Variants in STPG2 observed in about 807,000 individuals in gnomAD.
STPG2 encodes the protein sperm-tail PG-rich repeat-containing protein 2.
STPG2 carries 56 observed loss-of-function variants against 54.2 expected under a neutral mutation model. That is an observed-to-expected ratio of 1.03 (90% confidence interval 0.83 to 1.29). The LOEUF (loss-of-function observed/expected upper bound fraction) is 1.29. Ranked by LOEUF, STPG2 falls within the 50% of genes most tolerant of loss-of-function variation. The pLI, the probability that STPG2 is intolerant of heterozygous loss-of-function variation, is 0.00. For synonymous variants in STPG2, 200 were observed against 181.8 expected, an observed-to-expected ratio of 1.10 and a Z score of -0.81; for missense variants, 596 against 544.9, an observed-to-expected ratio of 1.09 and a Z score of -0.93.
rs552633439 is a variant in STPG2, at chr4:97,741,460, C to G, written c.1205-28646G>C. On this transcript the variant is annotated intron_variant, in intron 9 of 10. Transcript: ENST00000295268. Reference sequence around the variant, plus strand: ...AATGGGAGAAAATTTTTGCAACCTACTCATCTGACAAAGGGCTAATATCCA... The same window carrying G: ...AATGGGAGAAAATTTTTGCAACCTAGTCATCTGACAAAGGGCTAATATCCA... Among the ~76,000 whole-genome samples the G allele has an allele frequency of 5.4e-3, 815 of 151,760 alleles. 3 individuals are homozygous for G. The highest frequency in any genetic ancestry group is 0.02 in the Middle Eastern group (6 of 294).
chr4:97,566,425 C>G (rs935259094), intron 10 of STPG2, among the ~76,000 whole-genome samples: 2 of 152,194 alleles, frequency 1.3e-5, no homozygotes, highest in Admixed American at 1.3e-4. Context: ...TCGGCTAGCA[C>G]ATGGCGTGCT....
At position 97,510,342 on chromosome 4, in the gene STPG2, T is replaced by C. The variant is rs115473415; in HGVS notation, c.462+202357A>G. Among the ~76,000 whole-genome samples, 433 of 152,240 alleles carry C rather than the reference T, an allele frequency of 2.8e-3. 3 individuals carry two copies. The highest frequency in any genetic ancestry group is 9.6e-3 in the African/African-American group (401 of 41,564). ...TACAACAAACCATTTTAATTTTTTC[T>C]AGCAACAACTGATAAGGGCTTGCAT... On this transcript the variant is annotated intron_variant, in intron 4 of 4. Coordinates refer to the STPG2 transcript ENST00000522676.
chr4:97,847,841 T>C (rs138942438), intron 8 of STPG2, among the ~76,000 whole-genome samples: 371 of 152,328 alleles, frequency 2.4e-3, no homozygotes, highest in Middle Eastern at 0.02. Flanking sequence ...TGTTCACCTT[T>C]CTCTCGCATA....
intron 10 of STPG2, among the ~76,000 whole-genome samples, chr4:97,628,841 A>G (rs55901496): frequency 0.13 from 20,102 of 151,996 alleles, 4,092 homozygotes; most frequent in African/African-American, 0.44. Context: ...ATTGTCACTC[A>G]TGGTCAATTT....
chr4:97,953,319 A>G (rs1368439773), intron 7 of STPG2, among the ~76,000 whole-genome samples: 2 of 152,082 alleles, frequency 1.3e-5, no homozygotes, highest in East Asian at 3.9e-4. Context: ...GGCAAAGCAA[A>G]ACTCACACCT....
intron 5 of STPG2, among the ~76,000 whole-genome samples, chr4:97,983,313 A>C (rs1734734442): frequency 6.6e-6 from 1 of 152,222 alleles, no homozygotes; most frequent in Non-Finnish European, 1.5e-5. Flanking sequence ...AACATACAAA[A>C]TATGTGTTAT....
At chr4:97,524,589 C>T (rs1300998962) in intron 4 of STPG2, among the ~76,000 whole-genome samples, 2 of 151,912 alleles carry the variant, frequency 1.3e-5, no homozygotes, top group Non-Finnish European at 2.9e-5. Context: ...GTTCTTATCC[C>T]AGCCATCTTA....
At chr4:98,111,499 C>G (rs1374188858) in intron 3 of STPG2, among the ~76,000 whole-genome samples, 2 of 152,080 alleles carry the variant, frequency 1.3e-5, no homozygotes, top group Non-Finnish European at 2.9e-5. Flanking sequence ...ACAACAAAAT[C>G]CAAAAAGAAG....
intron 4 of STPG2, among the ~76,000 whole-genome samples, chr4:97,465,075 G>A (rs922909185): frequency 6.6e-6 from 1 of 152,140 alleles, no homozygotes; most frequent in Non-Finnish European, 1.5e-5. Context: ...AGGAGAACTT[G>A]TTGGTGAGCT....
At position 97,446,740 on chromosome 4, in the gene STPG2, A is replaced by T. The variant is rs143286460; in HGVS notation, c.463-258907T>A. The stretch of plus-strand genomic sequence containing the variant: ...TTTTCTGCCACATTGTGAAGAAGGT[A>T]CTGGCTTCTCCTTCGCCTTCCACCA... On this transcript the variant is annotated intron_variant, in intron 4 of 4. Transcript: ENST00000522676. Among the ~76,000 whole-genome samples the T allele has an allele frequency of 1.8e-3, 280 of 152,316 alleles. 1 individual carries two copies. The highest frequency in any genetic ancestry group is 6.4e-3 in the African/African-American group (267 of 41,570).
intron 8 of STPG2, 109 bp downstream of exon 8, chr4:97,943,788 C>G: frequency 2.7e-6 from 2 of 746,828 alleles, no homozygotes; most frequent in Non-Finnish European, 4.2e-6. Flanking sequence ...AAGGAGGTTA[C>G]AGCACGCTAC....
At chr4:97,602,865 A>T (rs1027344900) in intron 10 of STPG2, among the ~76,000 whole-genome samples, 2 of 151,778 alleles carry the variant, frequency 1.3e-5, no homozygotes, top group African/African-American at 4.8e-5. Flanking sequence ...TTAACCAGAA[A>T]ATGTAAATCA....
intron 8 of STPG2, among the ~76,000 whole-genome samples, chr4:97,929,210 AT>A (rs972184060): frequency 4.6e-5 from 7 of 152,214 alleles, no homozygotes; most frequent in East Asian, 3.9e-4. Flanking sequence ...GCAGGATCTC[AT>A]TTTTTTATGG....
At chr4:97,547,998 A>T (rs757144680) in intron 4 of STPG2, among the ~76,000 whole-genome samples, 6 of 152,016 alleles carry the variant, frequency 3.9e-5, no homozygotes, top group Non-Finnish European at 8.8e-5. Context: ...TAAAAATATA[A>T]AATTAGCCGG....
chr4:97,903,097 C>A (rs995740959), intron 8 of STPG2, among the ~76,000 whole-genome samples: 1 of 152,102 alleles, frequency 6.6e-6, no homozygotes, highest in Non-Finnish European at 1.5e-5. Context: ...TCAAAGGGTT[C>A]AAACTCGAAG....
intron 1 of STPG2, among the ~76,000 whole-genome samples, chr4:98,141,969 G>GAAAAAAAAA: frequency 6.9e-6 from 1 of 145,910 alleles, no homozygotes; most frequent in Non-Finnish European, 1.5e-5. Context: ...AAAACAGGAG[G>GAAAAAAAAA]AAATGATGTT....
intron 5 of STPG2, among the ~76,000 whole-genome samples, chr4:98,052,511 T>C (rs976187747): frequency 6.6e-6 from 1 of 152,236 alleles, no homozygotes; most frequent in Non-Finnish European, 1.5e-5. Context: ...GATATACATA[T>C]AGGTATGATA....
chr4:97,783,493 C>G (rs1215041466), intron 9 of STPG2, among the ~76,000 whole-genome samples: 1 of 152,180 alleles, frequency 6.6e-6, no homozygotes, highest in Non-Finnish European at 1.5e-5. Flanking sequence ...TAAACTAGTT[C>G]AACCATTGTG....
chr4:97,834,284 C>A (rs1164517289), intron 9 of STPG2, among the ~76,000 whole-genome samples: 2 of 152,126 alleles, frequency 1.3e-5, no homozygotes, highest in Admixed American at 1.3e-4. Context: ...CACATGTTCT[C>A]ACTCATAAGT....
Sources: gnomAD v4.1 joint callset for allele counts (sites outside exome capture counted in the v4.1 genomes callset) on GRCh38, gnomAD v4.1.1 for gene constraint, MANE v1.5 for transcripts, NCBI Gene and HGNC (gene_info 2026-07-23, HGNC 2026-07-21) for gene names.